Variants in TSHZ1 observed in about 807,000 individuals in gnomAD.
TSHZ1 encodes teashirt zinc finger homeobox 1, also known as teashirt homolog 1.
Under a neutral mutation model 67.1 loss-of-function variants are expected in TSHZ1, and 12 were observed. The observed-to-expected ratio is 0.18, with a 90% CI of 0.11 to 0.29. The LOEUF (loss-of-function observed/expected upper bound fraction) is 0.29, where lower values mean the gene tolerates loss of function less well. TSHZ1 is among the 10% of genes least tolerant of loss of function. The probability of loss-of-function intolerance (pLI) is 1.00; values close to 1 mark genes in which losing one functional copy is unlikely to be tolerated. For missense variants in TSHZ1, 1,305 were observed against 1,413.9 expected (o/e 0.92, Z 1.23); for synonymous variants, 632 against 622.4 (o/e 1.02, Z -0.23).
chr18:75,257,749 C>T (rs1036934368), intron 1 of TSHZ1, among the ~76,000 whole-genome samples: 1 of 152,178 alleles, frequency 6.6e-6, no homozygotes, highest in African/African-American at 2.4e-5. Flanking sequence ...CCTTCCTCCT[C>T]CTCATGGATT....
rs148249485 is a variant in TSHZ1 at position 75,277,109 on chromosome 18, C to T, written c.41-8339C>T. Among the ~76,000 whole-genome samples, 19 of 152,258 alleles carry T rather than the reference C, an allele frequency of 1.2e-4. No individual in the cohort carries two copies. The East Asian group carries it at 3.1e-3, about 25-fold the overall frequency. On this transcript the variant is annotated intron_variant, in intron 1 of 1. Transcript: ENST00000580243. ...CAGCAAAGCCTCTGAAAGGCAGGCACGGGGAAAAGAAGAACAAGAAGGGCC... is the reference window on the plus strand; with the variant it reads ...CAGCAAAGCCTCTGAAAGGCAGGCATGGGGAAAAGAAGAACAAGAAGGGCC...
At chr18:75,223,145 C>T (rs1343524258) in intron 1 of TSHZ1, among the ~76,000 whole-genome samples, 2 of 152,120 alleles carry the variant, frequency 1.3e-5, no homozygotes, top group East Asian at 3.8e-4. Context: ...TGGGAATTCA[C>T]GGCACTCAGT....
At chr18:75,246,403 GGTGTGT>G (rs74178999) in intron 1 of TSHZ1, among the ~76,000 whole-genome samples, 2,260 of 108,338 alleles carry the variant, frequency 0.021, 77 homozygotes, top group African/African-American at 0.063. Context: ...TTTGGTTTCT[GGTGTGT>G]GTGTGTGTGT....
At chr18:75,229,086 T>G (rs2022962668) in intron 1 of TSHZ1, among the ~76,000 whole-genome samples, 1 of 152,232 alleles carries the variant, frequency 6.6e-6, no homozygotes, top group Admixed American at 6.5e-5. Context: ...TTGGCCACAG[T>G]CAGCCCTGGG....
intron 1 of TSHZ1, among the ~76,000 whole-genome samples, chr18:75,267,389 T>G (rs1237713565): frequency 7.2e-5 from 11 of 151,810 alleles, no homozygotes; most frequent in Admixed American, 7.2e-4. Context: ...GTGGTAAGGG[T>G]TTCTTCAGAG....
chr18:75,248,432 G>A (rs2023250846), intron 1 of TSHZ1, among the ~76,000 whole-genome samples: 1 of 152,226 alleles, frequency 6.6e-6, no homozygotes, highest in South Asian at 2.1e-4. Context: ...TCACCTTCGT[G>A]TGTATTTCAG....
At chr18:75,285,270 G>A in intron 1 of TSHZ1, 178 bp from the exon 2 acceptor site, 1 of 612,658 alleles carries the variant, frequency 1.6e-6, no homozygotes, top group Non-Finnish European at 2.6e-6. Flanking sequence ...ACTCAGGAGG[G>A]GACAGCACCT....
intron 1 of TSHZ1, among the ~76,000 whole-genome samples, chr18:75,214,506 A>G (rs975391112): frequency 5.9e-5 from 9 of 152,234 alleles, no homozygotes; most frequent in Middle Eastern, 6.3e-3. Context: ...TGTTTTTATT[A>G]TAACATCCTG....
chr18:75,288,621 A>C lies in TSHZ1; in HGVS notation c.3214A>C (p.Thr1072Pro). Residue 1072 changes from threonine (T) to proline (P), a missense_variant, in exon 2 of 2, where the codon ACT becomes CCT. Thr to Pro is a conservative substitution (Grantham distance 38). Transcript: ENST00000580243. This position sits in a 1 kb window ranked among gnomAD's most constrained non-coding sequence, Gnocchi z 4.9. ...KSPEDHLIYVTELEKQ is the reference protein window; with the variant it reads ...KSPEDHLIYVPELEKQ Reference sequence around the variant, plus strand: ...TCCCGAGGACCACCTGATCTATGTGACTGAGTTGGAGAAACAGTAGCGTCC... The same window carrying C: ...TCCCGAGGACCACCTGATCTATGTGCCTGAGTTGGAGAAACAGTAGCGTCC... 1.3e-6 allele frequency: 2 copies of C among 1,599,338 alleles called. No homozygotes were observed. Among genetic ancestry groups the C allele is most frequent in the Non-Finnish European group, 1.7e-6 (2 of 1,173,336 alleles).
chr18:75,215,980 G>C (rs546620159), intron 1 of TSHZ1, among the ~76,000 whole-genome samples: 2 of 152,180 alleles, frequency 1.3e-5, no homozygotes, highest in African/African-American at 4.8e-5. Context: ...TTGTGTTTGT[G>C]GGTGTGTGGT....
intron 1 of TSHZ1, among the ~76,000 whole-genome samples, chr18:75,275,168 G>C (rs2023601208): frequency 6.6e-6 from 1 of 152,166 alleles, no homozygotes; most frequent in Non-Finnish European, 1.5e-5. Flanking sequence ...CTGTTCCTGT[G>C]TGTTTATGGG....
intron 1 of TSHZ1, among the ~76,000 whole-genome samples, chr18:75,228,183 C>T (rs759827867): frequency 1.2e-4 from 18 of 152,176 alleles, no homozygotes; most frequent in Admixed American, 2.0e-4. Flanking sequence ...TTTCTTACTG[C>T]AAGGAAACAA....
intron 1 of TSHZ1, among the ~76,000 whole-genome samples, chr18:75,230,685 ACAT>A (rs898609527): frequency 5.3e-5 from 8 of 152,184 alleles, no homozygotes; most frequent in Non-Finnish European, 1.2e-4. Context: ...GTGGTTGCAA[ACAT>A]CATGCGTGCG....
chr18:75,236,095 T>C (rs1568356010), intron 1 of TSHZ1, among the ~76,000 whole-genome samples: 1 of 152,048 alleles, frequency 6.6e-6, no homozygotes, highest in South Asian at 2.1e-4. Flanking sequence ...GCGTGCATGA[T>C]AGGAAGTGTG....
intron 1 of TSHZ1, among the ~76,000 whole-genome samples, chr18:75,222,409 T>G (rs78963984): frequency 0.11 from 16,474 of 152,150 alleles, 1,038 homozygotes; most frequent in African/African-American, 0.16. Flanking sequence ...AATTAGTGTC[T>G]CAAAAGCTTT....
intron 1 of TSHZ1, among the ~76,000 whole-genome samples, chr18:75,219,989 T>G (rs1445527548): frequency 6.6e-6 from 1 of 152,190 alleles, no homozygotes; most frequent in African/African-American, 2.4e-5. Context: ...CACCCCACAC[T>G]GAAATAGAAA....
At chr18:75,236,854 T>C (rs778412769) in intron 1 of TSHZ1, among the ~76,000 whole-genome samples, 2 of 152,174 alleles carry the variant, frequency 1.3e-5, no homozygotes, top group Non-Finnish European at 2.9e-5. Context: ...GCACACAGGT[T>C]GATGTCATAA....
chr18:75,280,851 C>A, intron 1 of TSHZ1: 3 of 983,122 alleles, frequency 3.1e-6, no homozygotes, highest in Non-Finnish European at 2.4e-6. Context: ...TGGTGAATTC[C>A]GTGAGGGGAT....
intron 1 of TSHZ1, among the ~76,000 whole-genome samples, chr18:75,260,914 A>C (rs913429433): frequency 2.0e-5 from 3 of 152,016 alleles, no homozygotes; most frequent in Admixed American, 6.5e-5. Flanking sequence ...TCTTTACAGG[A>C]GCTCTAATGT....
Sources: gnomAD v4.1 joint callset for allele counts (sites outside exome capture counted in the v4.1 genomes callset) on GRCh38, gnomAD v4.1.1 for gene constraint, Gnocchi (gnomAD v3.1) non-coding constraint, MANE v1.5 for transcripts, NCBI Gene and HGNC (gene_info 2026-07-23, HGNC 2026-07-21) for gene names.